The following ATP8A2 variants were observed in gnomAD, a reference collection of about 807,000 sequenced individuals.
ATP8A2 encodes the protein phospholipid-transporting ATPase IB.
In ATP8A2, 100 loss-of-function variants were observed where a neutral mutation model predicts 165.6. That is an observed-to-expected ratio of 0.60 (90% confidence interval 0.51 to 0.71). The LOEUF (loss-of-function observed/expected upper bound fraction) is 0.71. ATP8A2 is among the 30% of genes least tolerant of loss of function. The pLI, the probability that ATP8A2 is intolerant of heterozygous loss-of-function variation, is 0.00. For missense variants in ATP8A2, 1,227 were observed against 1,479.5 expected, an observed-to-expected ratio of 0.83 and a Z score of 2.80; for synonymous variants, 543 against 548.8, an observed-to-expected ratio of 0.99 and a Z score of 0.15.
chr13:25,768,549 A>G (rs1331645047), intron 25 of ATP8A2, among the ~76,000 whole-genome samples: 1 of 151,878 alleles, frequency 6.6e-6, no homozygotes. Flanking sequence ...CTCTTACCCC[A>G]GCCTTCTTTC....
At chr13:25,802,696 A>G (rs1251177706) in intron 27 of ATP8A2, among the ~76,000 whole-genome samples, 1 of 152,104 alleles carries the variant, frequency 6.6e-6, no homozygotes, top group Non-Finnish European at 1.5e-5. Context: ...CTGAAAATAG[A>G]CTTACCTTCA....
chr13:25,600,823 G>C (rs2040364511), intron 24 of ATP8A2, among the ~76,000 whole-genome samples: 2 of 152,180 alleles, frequency 1.3e-5, no homozygotes, highest in African/African-American at 4.8e-5. Context: ...GAAATACAGG[G>C]AAGAACATGG....
intron 2 of ATP8A2, among the ~76,000 whole-genome samples, chr13:25,520,884 G>A (rs2037650119): frequency 6.6e-6 from 1 of 152,080 alleles, no homozygotes; most frequent in Admixed American, 6.6e-5. Flanking sequence ...AAAGTGTTGG[G>A]ATTACAGGCA....
intron 1 of ATP8A2, among the ~76,000 whole-genome samples, chr13:25,467,640 C>T (rs1346841282): frequency 6.6e-6 from 1 of 151,950 alleles, no homozygotes; most frequent in African/African-American, 2.4e-5. Flanking sequence ...AGGCTCCGCC[C>T]CCCGGGGTTC....
intron 1 of ATP8A2, among the ~76,000 whole-genome samples, chr13:25,422,086 GT>G (rs1239157884): frequency 6.6e-6 from 1 of 152,024 alleles, no homozygotes; most frequent in Non-Finnish European, 1.5e-5. Context: ...CTGAGCTCTG[GT>G]TTTCAGAAAA....
chr13:25,680,930 A>C (rs959600710), intron 24 of ATP8A2, among the ~76,000 whole-genome samples: 2 of 152,220 alleles, frequency 1.3e-5, no homozygotes, highest in Non-Finnish European at 2.9e-5. Context: ...CTTCAGGTTG[A>C]ATTGGGTCAA....
chr13:25,908,556 G>A (rs953066486), intron 33 of ATP8A2, among the ~76,000 whole-genome samples: 3 of 152,108 alleles, frequency 2.0e-5, no homozygotes, highest in Non-Finnish European at 2.9e-5. Context: ...CAGCTGTTCT[G>A]TTTTAAGGCT....
At chr13:25,419,483 A>G (rs1285229132) in intron 1 of ATP8A2, among the ~76,000 whole-genome samples, 1 of 146,976 alleles carries the variant, frequency 6.8e-6, no homozygotes, top group Admixed American at 6.8e-5. Flanking sequence ...ACAAGGAAAT[A>G]TATTTTTATG....
At chr13:25,553,943 A>G in intron 12 of ATP8A2, 23 bp downstream of exon 12, 1 of 1,601,796 alleles carries the variant, frequency 6.2e-7, no homozygotes, top group Non-Finnish European at 8.5e-7. Flanking sequence ...GCAGAGTTGA[A>G]TCACTATTTT....
At chr13:25,637,517 C>A (rs532220467) in intron 24 of ATP8A2, among the ~76,000 whole-genome samples, 22 of 152,322 alleles carry the variant, frequency 1.4e-4, no homozygotes, top group Non-Finnish European at 2.6e-4. Context: ...ATTGCTAGCA[C>A]AGCAGTCTGA....
At position 25,727,365 on chromosome 13, in the gene ATP8A2, A is replaced by G. The variant is rs148917852; in HGVS notation, c.2384+28020A>G. Reference sequence around the variant, plus strand: ...GTACCACAAAATGCTGTGGCCAACCAGGAAAGTGATTTTGGCAACGTTACT... The same window carrying G: ...GTACCACAAAATGCTGTGGCCAACCGGGAAAGTGATTTTGGCAACGTTACT... On this transcript the variant is annotated intron_variant, in intron 25 of 36. Coordinates refer to ENST00000381655, the MANE Select transcript of ATP8A2 (RefSeq NM_016529.6). 2.7e-3 allele frequency among the ~76,000 whole-genome samples: 405 copies of G among 152,326 alleles called. 3 individuals are homozygous for G. The highest frequency in any genetic ancestry group is 9.2e-3 in the African/African-American group (384 of 41,568).
intron 33 of ATP8A2, among the ~76,000 whole-genome samples, chr13:25,878,739 C>A (rs1195003058): frequency 3.9e-5 from 6 of 152,130 alleles, no homozygotes; most frequent in Admixed American, 3.9e-4. Context: ...ACGCCTCTGA[C>A]AACCAGTACC....
At chr13:25,866,247 G>A (rs1159909541) in intron 33 of ATP8A2, among the ~76,000 whole-genome samples, 2 of 152,116 alleles carry the variant, frequency 1.3e-5, no homozygotes, top group Non-Finnish European at 2.9e-5. Context: ...TGATAGTTAC[G>A]TAACCATTGG....
chr13:25,763,356 T>G (rs1286626282), intron 25 of ATP8A2, among the ~76,000 whole-genome samples: 1 of 152,144 alleles, frequency 6.6e-6, no homozygotes, highest in Admixed American at 6.5e-5. Flanking sequence ...CCTTCGTTGT[T>G]GCATCTCTCT....
rs532328768 is a variant in ATP8A2 at position 25,513,035 on chromosome 13, C to T, written c.222-16964C>T. 9.9e-4 allele frequency among the ~76,000 whole-genome samples: 140 copies of T among 141,760 alleles called. 1 individual carries two copies. The highest frequency in any genetic ancestry group is 2.4e-3 in the African/African-American group (92 of 38,074). 93.0% of individuals were successfully genotyped at this position (141,760 alleles called of 152,430 possible). On this transcript the variant is annotated intron_variant, in intron 2 of 36. Transcript: ENST00000381655. ...TGACCCCCCCCACCTCCCTCCCGGA[C>T]GGGGCGGCTGGCCTGGCGGGGGCTG...
intron 24 of ATP8A2, among the ~76,000 whole-genome samples, chr13:25,594,918 A>T (rs1338501664): frequency 6.6e-6 from 1 of 151,752 alleles, no homozygotes; most frequent in East Asian, 1.9e-4. Flanking sequence ...CAGTTGCAAA[A>T]ACCTGGAACC....
chr13:25,660,664 A>G (rs1363416746), intron 24 of ATP8A2, among the ~76,000 whole-genome samples: 3 of 152,188 alleles, frequency 2.0e-5, no homozygotes, highest in Non-Finnish European at 2.9e-5. Flanking sequence ...GGAAAAAAAA[A>G]AGAGAGTATG....
intron 25 of ATP8A2, among the ~76,000 whole-genome samples, chr13:25,712,508 G>C (rs769193089): frequency 1.3e-5 from 2 of 152,218 alleles, no homozygotes; most frequent in Non-Finnish European, 2.9e-5. Flanking sequence ...GCCAGACTTT[G>C]AGCATCCTTG....
At chr13:25,705,868 T>C (rs2043045738) in intron 25 of ATP8A2, among the ~76,000 whole-genome samples, 8 of 152,232 alleles carry the variant, frequency 5.3e-5, no homozygotes, top group Admixed American at 2.6e-4. Context: ...ACACAGTTTC[T>C]ATGTCAAATT....
Sources: gnomAD v4.1 joint callset for allele counts (sites outside exome capture counted in the v4.1 genomes callset) on GRCh38, gnomAD v4.1.1 for gene constraint, MANE v1.5 for transcripts, NCBI Gene and HGNC (gene_info 2026-07-23, HGNC 2026-07-21) for gene names.